The following KCNH5 variants were observed in gnomAD, a reference collection of about 807,000 sequenced individuals.
KCNH5 encodes potassium voltage-gated channel subfamily H member 5, also known as voltage-gated delayed rectifier potassium channel KCNH5.
Under a neutral mutation model 96.1 loss-of-function variants are expected in KCNH5, and 46 were observed. The observed-to-expected ratio is 0.48, with a 90% CI of 0.38 to 0.61. The LOEUF is 0.61. Among genes scored for constraint, KCNH5 ranks in the 20% least tolerant of loss-of-function variants. KCNH5 has a pLI of 0.00. For missense variants in KCNH5, 907 were observed against 1,225.8 expected, an observed-to-expected ratio of 0.74 and a Z score of 3.88; for synonymous variants, 439 against 449.8, an observed-to-expected ratio of 0.98 and a Z score of 0.30.
At chr14:62,939,398 C>A (rs1275076071) in intron 7 of KCNH5, among the ~76,000 whole-genome samples, 1 of 152,170 alleles carries the variant, frequency 6.6e-6, no homozygotes, top group Admixed American at 6.5e-5. Flanking sequence ...AAAGAGATCT[C>A]TCTGTGCCTC....
At chr14:62,716,487 C>A (rs1281179520) in intron 10 of KCNH5, among the ~76,000 whole-genome samples, 1 of 152,194 alleles carries the variant, frequency 6.6e-6, no homozygotes, top group Non-Finnish European at 1.5e-5. Context: ...GGCCTCCACA[C>A]ACCTGCCACA....
At chr14:62,939,281 C>T (rs1889743085) in intron 7 of KCNH5, among the ~76,000 whole-genome samples, 1 of 152,184 alleles carries the variant, frequency 6.6e-6, no homozygotes, top group Non-Finnish European at 1.5e-5. Flanking sequence ...GTTCTCTTCT[C>T]AGCCCCTCTG....
chr14:62,813,654 T>C (rs1595634292), intron 8 of KCNH5, among the ~76,000 whole-genome samples: 1 of 152,220 alleles, frequency 6.6e-6, no homozygotes, highest in Non-Finnish European at 1.5e-5. Flanking sequence ...AAATCTCTCC[T>C]TCTTTTGACA....
At chr14:63,045,006 G>T in intron 1 of KCNH5, 108 bp downstream of exon 1, 1 of 906,414 alleles carries the variant, frequency 1.1e-6, no homozygotes. Context: ...ACCAGGTAAG[G>T]CTGCCTGCAT....
At chr14:62,810,180 C>T (rs1322226271) in intron 8 of KCNH5, among the ~76,000 whole-genome samples, 3 of 152,032 alleles carry the variant, frequency 2.0e-5, no homozygotes, top group East Asian at 1.9e-4. Flanking sequence ...CACCTCTTGT[C>T]GAAACTCAAG....
chr14:62,761,571 GC>G (rs1885751693), intron 10 of KCNH5, among the ~76,000 whole-genome samples: 1 of 152,140 alleles, frequency 6.6e-6, no homozygotes, highest in African/African-American at 2.4e-5. Flanking sequence ...TTTAGATGTT[GC>G]CTTGGGGGTT....
intron 6 of KCNH5, among the ~76,000 whole-genome samples, chr14:62,963,671 T>G (rs1890254563): frequency 6.6e-6 from 1 of 152,106 alleles, no homozygotes; most frequent in Non-Finnish European, 1.5e-5. Context: ...CCATCCACAT[T>G]GGGGAGAACA....
chr14:62,726,132 G>T lies in KCNH5; in HGVS notation c.2020-17677C>A, dbSNP rs184224912. On this transcript the variant is annotated intron_variant, in intron 10 of 10. Coordinates refer to ENST00000322893, the MANE Select transcript of KCNH5 (RefSeq NM_139318.5). ...TGTATCTTGACCTTTACCTCACACC[G>T]TATAACTAAATCAACTCTAAATAGA... Among the ~76,000 whole-genome samples the T allele has an allele frequency of 6.6e-5, 10 of 152,112 alleles. No individual in the cohort carries two copies. In the East Asian group the frequency reaches 1.5e-3, roughly 24 times the overall value.
At chr14:62,853,214 C>T (rs1020653522) in intron 7 of KCNH5, among the ~76,000 whole-genome samples, 3 of 151,894 alleles carry the variant, frequency 2.0e-5, no homozygotes, top group Non-Finnish European at 4.4e-5. Context: ...TTCTCACTAC[C>T]TCTACCAGCA....
chr14:62,928,002 C>T (rs1001051898), intron 7 of KCNH5, among the ~76,000 whole-genome samples: 43 of 152,038 alleles, frequency 2.8e-4, no homozygotes, highest in African/African-American at 9.9e-4. Flanking sequence ...CTGTGAAGAA[C>T]GTGCCAGAGA....
chr14:63,019,090 G>C (rs1455917614), intron 1 of KCNH5, among the ~76,000 whole-genome samples: 1 of 151,568 alleles, frequency 6.6e-6, no homozygotes. Context: ...AATATATGTA[G>C]TTGAGTCTGA....
At chr14:63,014,770 T>C (rs1334733229) in intron 2 of KCNH5, among the ~76,000 whole-genome samples, 1 of 152,138 alleles carries the variant, frequency 6.6e-6, no homozygotes. Flanking sequence ...AAACCTGTCT[T>C]GCTTAGGGAA....
At chr14:62,905,787 A>G (rs1484508893) in intron 7 of KCNH5, among the ~76,000 whole-genome samples, 2 of 152,184 alleles carry the variant, frequency 1.3e-5, no homozygotes, top group East Asian at 1.9e-4. Flanking sequence ...TGCTATATCT[A>G]AAGGTCCCAC....
chr14:62,995,551 G>A (rs1696991233), intron 4 of KCNH5, among the ~76,000 whole-genome samples: 1 of 151,982 alleles, frequency 6.6e-6, no homozygotes, highest in South Asian at 2.1e-4. Flanking sequence ...AAATATGAGT[G>A]GATTAAAACA....
chr14:62,803,911 A>AC (rs1218911361), intron 8 of KCNH5, among the ~76,000 whole-genome samples: 1 of 152,202 alleles, frequency 6.6e-6, no homozygotes, highest in African/African-American at 2.4e-5. Context: ...AAATTGATTT[A>AC]CCCCATTAAG....
intron 7 of KCNH5, among the ~76,000 whole-genome samples, chr14:62,919,070 T>C (rs942231136): frequency 2.0e-5 from 3 of 152,094 alleles, no homozygotes. Flanking sequence ...AAAATATCCA[T>C]GACACACTGT....
chr14:62,843,840 GA>G lies in KCNH5; in HGVS notation c.1569+5812del, dbSNP rs751434058. 3.3e-5 allele frequency among the ~76,000 whole-genome samples: 5 copies of G among 151,826 alleles called. No individual in the cohort carries two copies. The South Asian group carries it at 8.3e-4, about 25-fold the overall frequency. On this transcript the variant is annotated intron_variant, in intron 8 of 10. Transcript: ENST00000322893. ...TTGAAGTATTTTAATATCGAACCAA[GA>G]AAATGATGACATGTATGAAAATATA...
intron 10 of KCNH5, among the ~76,000 whole-genome samples, chr14:62,731,884 C>A (rs1230107665): frequency 2.0e-5 from 3 of 152,188 alleles, no homozygotes; most frequent in Non-Finnish European, 2.9e-5. Context: ...ATCCCTTCAA[C>A]TGGCCTTCTT....
At chr14:62,775,916 A>T (rs1886085659) in intron 10 of KCNH5, among the ~76,000 whole-genome samples, 1 of 152,194 alleles carries the variant, frequency 6.6e-6, no homozygotes, top group African/African-American at 2.4e-5. Flanking sequence ...TGAAGCTCTT[A>T]TCCCCAATGT....
Sources: allele counts gnomAD v4.1 joint callset (sites outside exome capture counted in the v4.1 genomes callset), GRCh38; gene constraint gnomAD v4.1.1; transcripts MANE v1.5; gene names NCBI Gene and HGNC (gene_info 2026-07-23, HGNC 2026-07-21).